CYP11A1: variants seen among roughly 807,000 people sequenced by gnomAD.
The protein encoded by CYP11A1 is cytochrome P450 family 11 subfamily A member 1.
Under a neutral mutation model 51.9 loss-of-function variants are expected in CYP11A1, and 25 were observed. That is an observed-to-expected ratio of 0.48 (90% CI 0.35 to 0.67). CYP11A1 has a LOEUF of 0.67. CYP11A1 is among the 30% of genes least tolerant of loss of function. The pLI, the probability that CYP11A1 is intolerant of heterozygous loss-of-function variation, is 0.00. For missense variants in CYP11A1, 578 were observed against 680.9 expected (o/e 0.85, Z 1.68); for synonymous variants, 245 against 262.1 (o/e 0.93, Z 0.63).
At chr15:74,352,621 C>T (rs1288262036) in intron 1 of CYP11A1, among the ~76,000 whole-genome samples, 1 of 152,132 alleles carries the variant, frequency 6.6e-6, no homozygotes, top group Non-Finnish European at 1.5e-5. Context: ...GCCTGCCTCC[C>T]CTTCTATTCA....
chr15:74,346,800 CTTTTTT>C (rs1046360822), intron 2 of CYP11A1, among the ~76,000 whole-genome samples: 1 of 131,768 alleles, frequency 7.6e-6, no homozygotes, highest in African/African-American at 2.8e-5. Flanking sequence ...CTTTTCTTTT[CTTTTTT>C]TTTTTTTTTT....
rs145056042 is a variant in CYP11A1 at position 74,361,596 on chromosome 15, C to A, written c.269+5721G>T. On this transcript the variant is annotated intron_variant, in intron 1 of 8. Coordinates refer to ENST00000268053, the MANE Select transcript of CYP11A1 (RefSeq NM_000781.3). ...TCTTTGACATCGCAGTCACGGCGAG[C>A]CCTTGGGTCACGTCTCCTTTGAGCT... 5.5e-3 allele frequency: 5,821 copies of A among 1,053,814 alleles called. 73 individuals carry two copies. The highest frequency in any genetic ancestry group is 0.032 in the South Asian group (2,529 of 80,116). The allele number at this position is 1,053,814 out of a possible 1,614,324, so 65.3% of individuals were successfully genotyped here.
Position 74,339,702 on chromosome 15 carries a change from C to A in CYP11A1, c.1042G>T (p.Val348Leu). Residue 348 changes from valine (V) to leucine (L), a missense_variant, in exon 6 of 9, where the codon GTG (valine) becomes TTG (leucine). Physicochemically the swap from Val to Leu is conservative, Grantham distance 32. Transcript: ENST00000268053. ...ACCTCTGCCCGCAGCATATCCTGCA[C>A]CTTCAGGTTGCGTGCCATCTCATAC... ...HLYEMARNLK[V>L]QDMLRAEVLA... The A allele has an allele frequency of 6.2e-7, 1 of 1,614,132 alleles. No individual in the cohort carries two copies. The highest frequency in any genetic ancestry group is 8.5e-7 in the Non-Finnish European group (1 of 1,180,034).
intron 1 of CYP11A1, chr15:74,361,348 TAA>T (rs1315634238): frequency 8.4e-6 from 2 of 237,310 alleles, no homozygotes; most frequent in African/African-American, 2.3e-5. Context: ...ATAATTATGT[TAA>T]GTTATTGTAA....
rs2060585428 is a variant in CYP11A1, at chr15:74,337,764, T to C, written c.*208A>G. On this transcript the variant is annotated 3_prime_UTR_variant, in exon 9 of 9. Coordinates refer to ENST00000268053, the MANE Select transcript of CYP11A1 (RefSeq NM_000781.3). ...GTCTGATGGAACGCAAGACACCACA[T>C]GGTTCAGCTGTTTATTGTCTCCATG... 3.1e-6 allele frequency: 2 copies of C among 646,714 alleles called. No homozygotes were observed. The highest frequency in any genetic ancestry group is 5.5e-6 in the Non-Finnish European group (2 of 360,556). 40.1% of individuals were successfully genotyped at this position (646,714 alleles called of 1,614,324 possible).
Position 74,342,972 on chromosome 15 carries a change from C to A in CYP11A1, c.990+5G>T, listed in dbSNP as rs1165412320. The A allele has an allele frequency of 5.0e-6, 8 of 1,612,116 alleles. No individual in the cohort carries two copies. Among genetic ancestry groups the A allele is most frequent in the African/African-American group, 1.3e-5 (1 of 74,864 alleles). ...AACAAGGTGCCGCCCCTACAGCCAC[C>A]TCACCGTGTCCACCCCTCCTGCCAG... is the stretch of plus-strand genomic sequence containing the variant. On this transcript the variant is annotated splice_donor_5th_base_variant and intron_variant, in intron 5 of 8. Coordinates refer to ENST00000268053, the MANE Select transcript of CYP11A1 (RefSeq NM_000781.3).
chr15:74,360,411 G>T (rs1280922894), intron 1 of CYP11A1, among the ~76,000 whole-genome samples: 1 of 151,924 alleles, frequency 6.6e-6, no homozygotes, highest in East Asian at 1.9e-4. Flanking sequence ...CTCCTGAGTA[G>T]CTGGAATTAC....
chr15:74,356,052 C>T lies in CYP11A1; in HGVS notation c.270-7997G>A, dbSNP rs1364978219. Among the ~76,000 whole-genome samples the T allele has an allele frequency of 4.6e-5, 7 of 152,208 alleles. No homozygotes were observed. The East Asian group carries it at 5.8e-4, about 13-fold the overall frequency. On this transcript the variant is annotated intron_variant, in intron 1 of 8. Coordinates refer to ENST00000268053, the MANE Select transcript of CYP11A1 (RefSeq NM_000781.3). ...AAGGTGTACAATAATAGAAAGGAGG[C>T]AGCCAGACAGCAACACATTTCTGAG...
intron 1 of CYP11A1, chr15:74,350,633 T>C (rs1244767471): frequency 6.5e-6 from 1 of 152,954 alleles, no homozygotes; most frequent in Non-Finnish European, 1.5e-5. Context: ...ATCCTCTCCA[T>C]AGGGCGTATG....
At chr15:74,348,082 T>C in intron 1 of CYP11A1, 27 bp from the exon 2 acceptor site, 1 of 1,612,578 alleles carries the variant, frequency 6.2e-7, no homozygotes, top group Non-Finnish European at 8.5e-7. Flanking sequence ...GAGGGGCTGA[T>C]GGAAGGATCC....
In CYP11A1 at chr15:74,339,697, C is replaced by T. The variant is rs745497960; in HGVS notation, c.1047G>A (p.Gln349=). 6.2e-7 allele frequency: 1 copy of T among 1,614,192 alleles called. No individual in the cohort carries two copies. Among genetic ancestry groups the T allele is most frequent in the South Asian group, 1.1e-5 (1 of 91,088 alleles). Residue 349 remains glutamine (Q), a synonymous_variant, in exon 6 of 9, where the codon CAG becomes CAA. Coordinates refer to ENST00000268053, the MANE Select transcript of CYP11A1 (RefSeq NM_000781.3). The part of the protein sequence containing the change: ...LYEMARNLKV[Q]DMLRAEVLAA... ...CCAAGACCTCTGCCCGCAGCATATC[C>T]TGCACCTTCAGGTTGCGTGCCATCT...
chr15:74,337,783 C>T lies in CYP11A1; in HGVS notation c.*189G>A, dbSNP rs908693914. 4 of 701,034 alleles carry T rather than the reference C, an allele frequency of 5.7e-6. No homozygotes were observed. The highest frequency in any genetic ancestry group is 1.0e-5 in the Non-Finnish European group (4 of 396,838). The allele number at this position is 701,034 out of a possible 1,614,324, so 43.4% of individuals were successfully genotyped here. ...ACCACATGGTTCAGCTGTTTATTGT[C>T]TCCATGGGGTGGGTGAAGAGGAGTG... is the stretch of plus-strand genomic sequence containing the variant. On this transcript the variant is annotated 3_prime_UTR_variant, in exon 9 of 9. Coordinates refer to ENST00000268053, the MANE Select transcript of CYP11A1 (RefSeq NM_000781.3).
chr15:74,349,743 G>GAA (rs923710311), intron 1 of CYP11A1, among the ~76,000 whole-genome samples: 1 of 148,518 alleles, frequency 6.7e-6, no homozygotes, highest in African/African-American at 2.5e-5. Flanking sequence ...AAGAACCCGC[G>GAA]AAAAAAAAAA....
Position 74,338,678 on chromosome 15 carries a change from T to C in CYP11A1, c.1327A>G (p.Lys443Glu). Residue 443 changes from lysine to glutamate, a missense_variant, in exon 8 of 9, where the codon AAA becomes GAA. Coordinates refer to ENST00000268053, the MANE Select transcript of CYP11A1 (RefSeq NM_000781.3). ...ENFDPTRWLS[K>E]DKNITYFRNL... The stretch of plus-strand genomic sequence containing the variant: ...CGGAAGTAGGTGATGTTCTTGTCTT[T>C]GCTCAGCCATCGGGTTGGGTCAAAA... 6.2e-7 allele frequency: 1 copy of C among 1,614,168 alleles called. No homozygotes were observed. Among genetic ancestry groups the C allele is most frequent in the Admixed American group, 1.7e-5 (1 of 60,022 alleles).
intron 1 of CYP11A1, among the ~76,000 whole-genome samples, chr15:74,361,118 A>C (rs956916967): frequency 6.6e-6 from 1 of 152,234 alleles, no homozygotes; most frequent in Non-Finnish European, 1.5e-5. Context: ...CTTCAGTTTC[A>C]AAATTGTCTT....
chr15:74,347,243 T>A (rs1208786446), intron 2 of CYP11A1, among the ~76,000 whole-genome samples: 1 of 152,072 alleles, frequency 6.6e-6, no homozygotes, highest in Non-Finnish European at 1.5e-5. Flanking sequence ...ATCTCATCTA[T>A]ACTAAAAATG....
At chr15:74,355,645 C>T (rs981139169) in intron 1 of CYP11A1, among the ~76,000 whole-genome samples, 1 of 152,176 alleles carries the variant, frequency 6.6e-6, no homozygotes, top group Non-Finnish European at 1.5e-5. Context: ...CCTTCTATCA[C>T]CCCCTCTCCC....
intron 4 of CYP11A1, 89 bp from the exon 5 acceptor site, chr15:74,343,226 G>T: frequency 7.2e-7 from 1 of 1,385,440 alleles, no homozygotes; most frequent in Non-Finnish European, 1.0e-6. Context: ...GGCACCAAGG[G>T]CCTGGGGATT....
intron 1 of CYP11A1, among the ~76,000 whole-genome samples, chr15:74,352,452 A>G (rs1596164178): frequency 6.6e-6 from 1 of 152,028 alleles, no homozygotes; most frequent in Middle Eastern, 3.4e-3. Context: ...AAATTTTTTA[A>G]TAGAGACAAG....
Sources: gnomAD v4.1 joint callset for allele counts (sites outside exome capture counted in the v4.1 genomes callset) on GRCh38, gnomAD v4.1.1 for gene constraint, MANE v1.5 for transcripts, NCBI Gene and HGNC (gene_info 2026-07-23, HGNC 2026-07-21) for gene names.